Variants in VPS4B observed in about 807,000 individuals in gnomAD.
The protein encoded by VPS4B is vacuolar protein sorting 4 homolog B, also known as vacuolar protein sorting-associated protein 4B.
Under a neutral mutation model 56.1 loss-of-function variants are expected in VPS4B, and 23 were observed. That is an observed-to-expected ratio of 0.41 (90% CI 0.30 to 0.58). The LOEUF is 0.58. Among genes scored for constraint, VPS4B ranks in the 20% least tolerant of loss-of-function variants. The pLI is 0.29. For synonymous variants in VPS4B, 177 were observed against 186.0 expected, an observed-to-expected ratio of 0.95 and a Z score of 0.39; for missense variants, 372 against 531.9, an observed-to-expected ratio of 0.70 and a Z score of 2.96.
chr18:63,415,747 G>A, intron 1 of VPS4B: 1 of 232,976 alleles, frequency 4.3e-6, no homozygotes, highest in Non-Finnish European at 9.3e-6. Context: ...ACAGATGGCA[G>A]GTCCTCATGC....
chr18:63,401,535 G>A (rs1915809214), intron 5 of VPS4B, among the ~76,000 whole-genome samples: 1 of 152,144 alleles, frequency 6.6e-6, no homozygotes, highest in African/African-American at 2.4e-5. Flanking sequence ...GACTTTCATG[G>A]TTGGGTAACA....
intron 1 of VPS4B, among the ~76,000 whole-genome samples, 184 bp downstream of exon 1, chr18:63,422,049 G>A (rs1308570291): frequency 1.3e-5 from 2 of 152,188 alleles, no homozygotes; most frequent in East Asian, 3.9e-4. Flanking sequence ...CCAAGAGCGG[G>A]CCAGAAACGA....
chr18:63,407,887 A>G (rs1915953209), intron 3 of VPS4B, among the ~76,000 whole-genome samples: 1 of 152,224 alleles, frequency 6.6e-6, no homozygotes, highest in Admixed American at 6.5e-5. Flanking sequence ...AATTAGAACA[A>G]GAGGTCATAT....
At chr18:63,410,210 G>A in intron 3 of VPS4B, 80 bp downstream of exon 3, 1 of 1,563,102 alleles carries the variant, frequency 6.4e-7, no homozygotes, top group East Asian at 2.2e-5. Context: ...ATAGTTTGCT[G>A]ACACCTGTTT....
At chr18:63,399,543 C>T (rs1915763671) in intron 7 of VPS4B, among the ~76,000 whole-genome samples, 1 of 152,174 alleles carries the variant, frequency 6.6e-6, no homozygotes, top group Admixed American at 6.5e-5. Flanking sequence ...AATCAAATCT[C>T]CCAGATTGTG....
At chr18:63,408,342 T>C (rs1377733611) in intron 3 of VPS4B, among the ~76,000 whole-genome samples, 1 of 152,204 alleles carries the variant, frequency 6.6e-6, no homozygotes, top group Non-Finnish European at 1.5e-5. Flanking sequence ...GGAATTGCCT[T>C]GGTTATCATA....
chr18:63,403,407 A>G (rs1407378465), intron 5 of VPS4B, among the ~76,000 whole-genome samples: 1 of 152,218 alleles, frequency 6.6e-6, no homozygotes, highest in Non-Finnish European at 1.5e-5. Flanking sequence ...ATAAAATACA[A>G]TGCAGATTTC....
At position 63,390,039 on chromosome 18, in the gene VPS4B, T is replaced by C. The variant is rs1915508319; in HGVS notation, c.*936A>G. The C allele has an allele frequency of 6.6e-6, 1 of 152,574 alleles. No individual in the cohort carries two copies. The allele number at this position is 152,574 out of a possible 1,614,324, so 9.5% of individuals were successfully genotyped here. A position where few individuals can be genotyped will look rare whatever the true frequency, so the allele number is the denominator to read the frequency against. On this transcript the variant is annotated 3_prime_UTR_variant, in exon 11 of 11. Transcript: ENST00000238497. The stretch of plus-strand genomic sequence containing the variant: ...TATCAGTTAATTAAATATAAAAGCT[T>C]ACCGTTTTTGTTTTTTTTTGAGACA...
At chr18:63,400,234 A>G (rs919191837) in intron 6 of VPS4B, 38 bp from the exon 7 acceptor site, 9 of 1,558,084 alleles carry the variant, frequency 5.8e-6, no homozygotes, top group Non-Finnish European at 1.7e-6. Context: ...TCTAAAAAAT[A>G]GTAAAAGATT....
chr18:63,416,116 T>G (rs767434142), intron 1 of VPS4B: 1 of 164,214 alleles, frequency 6.1e-6, no homozygotes, highest in Non-Finnish European at 1.4e-5. Flanking sequence ...GTCGCTATCA[T>G]TTCTTAGCGC....
chr18:63,395,364 C>T (rs568283351), intron 9 of VPS4B, among the ~76,000 whole-genome samples: 3 of 152,318 alleles, frequency 2.0e-5, no homozygotes, highest in South Asian at 2.1e-4. Flanking sequence ...ACATTCCCTA[C>T]GCATCTGAAG....
At position 63,393,534 on chromosome 18, in the gene VPS4B, G is replaced by A. The variant is rs757925293; in HGVS notation, c.1108C>T (p.Arg370Ter). Residue 370 changes from arginine to a stop codon, truncating the protein, a stop_gained, in exon 10 of 11, where the codon CGA (arginine) becomes TGA (stop). Coordinates refer to ENST00000238497, the MANE Select transcript of VPS4B (RefSeq NM_004869.4). LOFTEE classifies it high-confidence loss of function. ...THFKKVRGPS[R>*]ADPNHLVDDL... ...TCTACAAGATGGTTAGGATCAGCTC[G>A]GGAAGGTCCGCGAACCTGAAATAAA... is the stretch of plus-strand genomic sequence containing the variant. 22 of 1,593,846 alleles carry A rather than the reference G, an allele frequency of 1.4e-5. No individual in the cohort carries two copies. Among genetic ancestry groups the A allele is most frequent in the Non-Finnish European group, 1.6e-5 (19 of 1,171,946 alleles).
At position 63,422,344 on chromosome 18, in the gene VPS4B, C is replaced by A; in HGVS notation, c.-85G>T. 5.3e-6 allele frequency: 7 copies of A among 1,322,048 alleles called. No homozygotes were observed. The highest frequency in any genetic ancestry group is 6.0e-6 in the Non-Finnish European group (6 of 1,006,920). The allele number at this position is 1,322,048 out of a possible 1,614,324, so 81.9% of individuals were successfully genotyped here. On this transcript the variant is annotated 5_prime_UTR_variant, in exon 1 of 11. Transcript: ENST00000238497. The stretch of plus-strand genomic sequence containing the variant: ...CGTCGAAGCGCGCACGGGGTAACAG[C>A]CCTCAAACTGGGGAGGCCGGTGGTT...
At chr18:63,421,531 C>T (rs935621566) in intron 1 of VPS4B, among the ~76,000 whole-genome samples, 87 of 152,210 alleles carry the variant, frequency 5.7e-4, no homozygotes, top group African/African-American at 2.1e-3. Flanking sequence ...GGATGGGAGA[C>T]ACCATTACAT....
chr18:63,414,621 G>C (rs1392467847), intron 1 of VPS4B, among the ~76,000 whole-genome samples: 1 of 151,972 alleles, frequency 6.6e-6, no homozygotes, highest in Non-Finnish European at 1.5e-5. Context: ...TTTTAGTAGA[G>C]ATGGGATTTC....
At chr18:63,394,426 A>T (rs1915624496) in intron 9 of VPS4B, among the ~76,000 whole-genome samples, 1 of 152,172 alleles carries the variant, frequency 6.6e-6, no homozygotes, top group Admixed American at 6.5e-5. Context: ...AGTCACATGT[A>T]AACATTTAGA....
intron 8 of VPS4B, among the ~76,000 whole-genome samples, chr18:63,398,856 C>G (rs775186986): frequency 6.6e-6 from 1 of 151,680 alleles, no homozygotes; most frequent in Non-Finnish European, 1.5e-5. Context: ...AAAATCTTAC[C>G]TGGTTATCTT....
chr18:63,409,872 TC>T (rs1281780650), intron 3 of VPS4B, among the ~76,000 whole-genome samples: 1 of 152,166 alleles, frequency 6.6e-6, no homozygotes, highest in African/African-American at 2.4e-5. Context: ...ACCTTAAGCT[TC>T]CATATTAGCT....
At chr18:63,418,980 T>C (rs1361555959) in intron 1 of VPS4B, among the ~76,000 whole-genome samples, 4 of 152,178 alleles carry the variant, frequency 2.6e-5, no homozygotes, top group African/African-American at 9.7e-5. Flanking sequence ...TCGACAAGTT[T>C]AGAACCAAAT....
Sources: allele counts gnomAD v4.1 joint callset (sites outside exome capture counted in the v4.1 genomes callset), GRCh38; gene constraint gnomAD v4.1.1; transcripts MANE v1.5; gene names NCBI Gene and HGNC (gene_info 2026-07-23, HGNC 2026-07-21).